The following UHMK1 variants were observed in gnomAD, a reference collection of about 807,000 sequenced individuals.
UHMK1 encodes the protein serine/threonine-protein kinase Kist.
UHMK1 carries 18 observed loss-of-function variants against 44.0 expected under a neutral mutation model. That is an observed-to-expected ratio of 0.41 (90% CI 0.28 to 0.61). The LOEUF (loss-of-function observed/expected upper bound fraction) is 0.61, where lower values mean the gene tolerates loss of function less well. UHMK1 is among the 20% of genes least tolerant of loss of function. The probability of loss-of-function intolerance (pLI) is 0.31; values close to 1 mark genes in which losing one functional copy is unlikely to be tolerated. For missense variants in UHMK1, 463 were observed against 522.5 expected (o/e 0.89, Z 1.11); for synonymous variants, 231 against 198.5 (o/e 1.16, Z -1.38).
rs1651108690 is a variant in UHMK1 at position 162,497,887 on chromosome 1, C to T, written c.-114C>T. On this transcript the variant is annotated 5_prime_UTR_variant, in exon 1 of 8. Coordinates refer to ENST00000489294, the MANE Select transcript of UHMK1 (RefSeq NM_175866.5). Reference sequence around the variant, plus strand: ...GTCCCGGGAGTCGGTGAGGCGGCTGCAGGTCCCTCCCTGCGGAGCCGCTGG... The same window carrying T: ...GTCCCGGGAGTCGGTGAGGCGGCTGTAGGTCCCTCCCTGCGGAGCCGCTGG... The T allele has an allele frequency of 2.1e-6, 3 of 1,410,918 alleles. No homozygotes were observed. The allele number at this position is 1,410,918 out of a possible 1,614,324, so 87.4% of individuals were successfully genotyped here.
At chr1:162,519,781 C>G (rs1156547428) in intron 7 of UHMK1, among the ~76,000 whole-genome samples, 1 of 152,126 alleles carries the variant, frequency 6.6e-6, no homozygotes, top group Admixed American at 6.6e-5. Context: ...GTCCTCTACA[C>G]TATAGAACGT....
chr1:162,497,315 C>T, upstream of UHMK1: 1 of 702,144 alleles, frequency 1.4e-6, no homozygotes, highest in Non-Finnish European at 2.6e-6. Flanking sequence ...CTAGTCGGAC[C>T]CCCACTTCCC....
chr1:162,503,873 G>T, intron 4 of UHMK1, 25 bp downstream of exon 4: 1 of 1,584,592 alleles, frequency 6.3e-7, no homozygotes, highest in Non-Finnish European at 8.7e-7. Flanking sequence ...CCATAAACTT[G>T]CTTTGCATTC....
Position 162,518,324 on chromosome 1 carries a change from T to G in UHMK1, c.1113+134T>G, listed in dbSNP as rs191491178. On this transcript the variant is annotated intron_variant, in intron 7 of 7. Coordinates refer to ENST00000489294, the MANE Select transcript of UHMK1 (RefSeq NM_175866.5). ...GAGTTTTGCATTTTAATGATTTTTA[T>G]ATTCTGACTTGTACTTTTTACTTCT... 74 of 607,108 alleles carry G rather than the reference T, an allele frequency of 1.2e-4. No homozygotes were observed. The African/African-American group carries it at 1.3e-3, about 10-fold the overall frequency. 37.6% of individuals were successfully genotyped at this position (607,108 alleles called of 1,614,324 possible).
At chr1:162,522,347 A>G in intron 7 of UHMK1, 57 bp from the exon 8 acceptor site, 1 of 1,586,042 alleles carries the variant, frequency 6.3e-7, no homozygotes, top group South Asian at 1.1e-5. Flanking sequence ...GTGGTAAAGC[A>G]CTGGTCTAAA....
intron 1 of UHMK1, 93 bp from the exon 2 acceptor site, chr1:162,499,862 T>C (rs1651202970): frequency 8.3e-7 from 1 of 1,206,960 alleles, no homozygotes; most frequent in Non-Finnish European, 1.2e-6. Context: ...GTTATCCTTA[T>C]CTAGACTATC....
chr1:162,515,830 C>T (rs972595497), intron 6 of UHMK1, among the ~76,000 whole-genome samples: 1 of 151,586 alleles, frequency 6.6e-6, no homozygotes, highest in Non-Finnish European at 1.5e-5. Context: ...GTCAGGAGAT[C>T]GAGACCATCC....
In UHMK1 at chr1:162,526,217, C is replaced by T. The variant is rs1470335170; in HGVS notation, c.*3667C>T. On this transcript the variant is annotated 3_prime_UTR_variant, in exon 8 of 8. Coordinates refer to ENST00000489294, the MANE Select transcript of UHMK1 (RefSeq NM_175866.5). ...ATCTTTTTGTTTTAGGTCTTATTTT[C>T]TGACTGTTAGGCCTATCTTACACAT... 6.7e-6 allele frequency: 1 copy of T among 150,118 alleles called. No homozygotes were observed. The highest frequency in any genetic ancestry group is 1.9e-4 in the East Asian group (1 of 5,156). The allele number at this position is 150,118 out of a possible 1,614,324, so 9.3% of individuals were successfully genotyped here.
At chr1:162,511,281 C>G (rs1381640837) in intron 4 of UHMK1, among the ~76,000 whole-genome samples, 1 of 142,416 alleles carries the variant, frequency 7.0e-6, no homozygotes, top group African/African-American at 2.6e-5. Context: ...GCCTTGAATT[C>G]ATAGGGTCAA....
intron 4 of UHMK1, among the ~76,000 whole-genome samples, chr1:162,507,322 A>G (rs1338729817): frequency 6.6e-6 from 1 of 151,488 alleles, no homozygotes; most frequent in Non-Finnish European, 1.5e-5. Context: ...GTTTCACCAT[A>G]TTGGCCAGGC....
intron 4 of UHMK1, among the ~76,000 whole-genome samples, chr1:162,511,366 C>T (rs750903632): frequency 5.3e-5 from 8 of 151,404 alleles, no homozygotes; most frequent in Non-Finnish European, 2.9e-5. Flanking sequence ...AGGATCTTGC[C>T]ATGTTGCCCA....
At chr1:162,504,095 G>A (rs1306991866) in intron 4 of UHMK1, among the ~76,000 whole-genome samples, 2 of 152,096 alleles carry the variant, frequency 1.3e-5, no homozygotes, top group African/African-American at 2.4e-5. Flanking sequence ...CATAGCCCTG[G>A]CAGTTCTGGA....
In UHMK1 at chr1:162,529,167, C is replaced by G. The variant is rs570071167; in HGVS notation, c.*6617C>G. 1 of 152,102 alleles carries G rather than the reference C, an allele frequency of 6.6e-6. No individual in the cohort carries two copies. The highest frequency in any genetic ancestry group is 2.1e-4 in the South Asian group (1 of 4,808). The allele number at this position is 152,102 out of a possible 1,614,324, so 9.4% of individuals were successfully genotyped here. A position where few individuals can be genotyped will look rare whatever the true frequency, so the allele number is the denominator to read the frequency against. ...GAATAGTTGTCTGTAACATTTCTAC[C>G]AGTTGTTTCAGTAGCATATTGGTCT... On this transcript the variant is annotated 3_prime_UTR_variant, in exon 8 of 8. Coordinates refer to ENST00000489294, the MANE Select transcript of UHMK1 (RefSeq NM_175866.5).
chr1:162,517,346 A>G (rs1651867118), intron 6 of UHMK1, among the ~76,000 whole-genome samples: 2 of 152,124 alleles, frequency 1.3e-5, no homozygotes, highest in South Asian at 4.1e-4. Context: ...TGAGATATGC[A>G]TAGGGGGGTT....
chr1:162,503,651 A>G (rs1007767515), intron 3 of UHMK1, 103 bp from the exon 4 acceptor site: 1 of 616,188 alleles, frequency 1.6e-6, no homozygotes, highest in Non-Finnish European at 2.8e-6. Context: ...CTCTCAGAAG[A>G]TAGTGTTTTC....
intron 1 of UHMK1, 96 bp from the exon 2 acceptor site, chr1:162,499,859 T>G (rs145909962): frequency 8.5e-7 from 1 of 1,170,318 alleles, no homozygotes; most frequent in East Asian, 2.5e-5. Flanking sequence ...AAAGTTATCC[T>G]TATCTAGACT....
At chr1:162,504,909 G>T (rs1571006822) in intron 4 of UHMK1, among the ~76,000 whole-genome samples, 1 of 152,144 alleles carries the variant, frequency 6.6e-6, no homozygotes, top group Admixed American at 6.5e-5. Flanking sequence ...TGAGTAGCTG[G>T]AATTACAGGT....
upstream of UHMK1, among the ~76,000 whole-genome samples, chr1:162,497,545 T>C (rs1651090990): frequency 6.6e-6 from 1 of 152,100 alleles, no homozygotes; most frequent in Non-Finnish European, 1.5e-5. Flanking sequence ...ATCCTTTCTA[T>C]GAGAAATGTA....
At chr1:162,514,924 G>A (rs1241224049) in intron 6 of UHMK1, among the ~76,000 whole-genome samples, 1 of 152,186 alleles carries the variant, frequency 6.6e-6, no homozygotes, top group Non-Finnish European at 1.5e-5. Context: ...TGATGTTCCT[G>A]CATAGTAACC....
Sources: allele counts gnomAD v4.1 joint callset (sites outside exome capture counted in the v4.1 genomes callset), GRCh38; gene constraint gnomAD v4.1.1; transcripts MANE v1.5; gene names NCBI Gene and HGNC (gene_info 2026-07-23, HGNC 2026-07-21).